LHFPL3: variants seen among roughly 807,000 people sequenced by gnomAD.
The protein encoded by LHFPL3 is LHFPL tetraspan subfamily member 3.
In LHFPL3, 5 loss-of-function variants were observed where a neutral mutation model predicts 19.3. The ratio of observed to expected loss-of-function variants is 0.26; its 90% CI spans 0.14 to 0.54. The LOEUF is 0.54. Among genes scored for constraint, LHFPL3 ranks in the 20% least tolerant of loss-of-function variants. LHFPL3 has a pLI of 0.94. For synonymous variants in LHFPL3, 133 were observed against 126.2 expected, an observed-to-expected ratio of 1.05 and a Z score of -0.36; for missense variants, 249 against 307.4, an observed-to-expected ratio of 0.81 and a Z score of 1.42.
intron 2 of LHFPL3, among the ~76,000 whole-genome samples, chr7:104,892,708 CAAAA>C (rs35855839): frequency 4.4e-5 from 3 of 68,472 alleles, no homozygotes; most frequent in African/African-American, 6.0e-5. Flanking sequence ...GAGACTGTCT[CAAAA>C]AAAAAAAAAA....
rs144042817 is a variant in LHFPL3 at position 104,506,411 on chromosome 7, T to C, written c.445+177187T>C. ...CCCTCAAGGCTCCCAAGTGTTCCCATGACATTGCTGTGCATATCATGTTCT... is the reference window on the plus strand; with the variant it reads ...CCCTCAAGGCTCCCAAGTGTTCCCACGACATTGCTGTGCATATCATGTTCT... On this transcript the variant is annotated intron_variant, in intron 1 of 2. Transcript: ENST00000424859. Among the ~76,000 whole-genome samples, 68 of 152,332 alleles carry C rather than the reference T, an allele frequency of 4.5e-4. 1 individual carries two copies. In the South Asian group the frequency reaches 0.013, roughly 29 times the overall value.
intron 1 of LHFPL3, among the ~76,000 whole-genome samples, chr7:104,619,571 A>T (rs1050385351): frequency 6.6e-6 from 1 of 152,238 alleles, no homozygotes; most frequent in African/African-American, 2.4e-5. Context: ...AACCCTACCT[A>T]TTTATTAAAT....
rs531319951 is a variant in LHFPL3 at position 104,445,384 on chromosome 7, A to G, written c.445+116160A>G. ...CTTGTATCCTTGGGCAAGTTACCAA[A>G]TCTTTCTAATCTTTGGTTTCCTCAT... On this transcript the variant is annotated intron_variant, in intron 1 of 2. Coordinates refer to ENST00000424859, the MANE Select transcript of LHFPL3 (RefSeq NM_199000.3). Among the ~76,000 whole-genome samples, 6 of 152,240 alleles carry G rather than the reference A, an allele frequency of 3.9e-5. No homozygotes were observed. In the South Asian group the frequency reaches 8.3e-4, roughly 21 times the overall value.
chr7:104,716,426 C>T (rs554158527), intron 1 of LHFPL3, among the ~76,000 whole-genome samples: 21 of 151,292 alleles, frequency 1.4e-4, no homozygotes, highest in Non-Finnish European at 3.1e-4. Flanking sequence ...TAGGGAAAAC[C>T]TTAAAGACTC....
At chr7:104,805,804 A>G (rs1562798979) in intron 2 of LHFPL3, among the ~76,000 whole-genome samples, 1 of 152,070 alleles carries the variant, frequency 6.6e-6, no homozygotes, top group Non-Finnish European at 1.5e-5. Flanking sequence ...TTCTCATACC[A>G]TCTACAGTTT....
intron 2 of LHFPL3, among the ~76,000 whole-genome samples, chr7:104,864,064 T>C (rs1342182109): frequency 2.0e-5 from 3 of 152,254 alleles, no homozygotes; most frequent in Non-Finnish European, 4.4e-5. Flanking sequence ...ATCAACATTT[T>C]GTTAATTTTG....
intron 1 of LHFPL3, among the ~76,000 whole-genome samples, chr7:104,495,783 A>G (rs532826384): frequency 1.3e-5 from 2 of 152,188 alleles, no homozygotes; most frequent in South Asian, 4.1e-4. Flanking sequence ...TCAACCCCCT[A>G]AAGTGCTGGG....
At chr7:104,532,174 T>C (rs1794310294) in intron 1 of LHFPL3, among the ~76,000 whole-genome samples, 2 of 152,118 alleles carry the variant, frequency 1.3e-5, no homozygotes, top group African/African-American at 4.8e-5. Context: ...CTGGATGCAG[T>C]GCTACAATCA....
At chr7:104,498,334 T>C (rs1452470073) in intron 1 of LHFPL3, among the ~76,000 whole-genome samples, 3 of 152,180 alleles carry the variant, frequency 2.0e-5, no homozygotes, top group Admixed American at 6.5e-5. Context: ...TCAAACTGTC[T>C]GCAATGAGGC....
intron 1 of LHFPL3, among the ~76,000 whole-genome samples, chr7:104,516,413 T>A (rs1554402849): frequency 6.6e-6 from 1 of 152,152 alleles, no homozygotes; most frequent in Non-Finnish European, 1.5e-5. Flanking sequence ...TCAACAAATT[T>A]CCATTTTTTA....
At chr7:104,396,602 A>T (rs1160771731) in intron 1 of LHFPL3, among the ~76,000 whole-genome samples, 1 of 150,412 alleles carries the variant, frequency 6.6e-6, no homozygotes, top group Non-Finnish European at 1.5e-5. Context: ...CCTTCATTAG[A>T]TTCTCCTGCA....
At chr7:104,603,341 G>C (rs986292806) in intron 1 of LHFPL3, among the ~76,000 whole-genome samples, 3 of 151,906 alleles carry the variant, frequency 2.0e-5, no homozygotes, top group Admixed American at 6.6e-5. Flanking sequence ...GACTACAGGT[G>C]CATGCCAGCA....
At chr7:104,639,086 A>G (rs1474099785) in intron 1 of LHFPL3, among the ~76,000 whole-genome samples, 1 of 151,804 alleles carries the variant, frequency 6.6e-6, no homozygotes, top group Non-Finnish European at 1.5e-5. Context: ...ATGCTGCTGG[A>G]TTTGGTTTGC....
intron 1 of LHFPL3, among the ~76,000 whole-genome samples, chr7:104,526,780 T>A (rs971617945): frequency 1.3e-5 from 2 of 152,218 alleles, no homozygotes; most frequent in Non-Finnish European, 2.9e-5. Context: ...GAAATTCTTA[T>A]CAACAGGGAC....
chr7:104,386,091 C>G (rs1427968927), intron 1 of LHFPL3, among the ~76,000 whole-genome samples: 1 of 152,198 alleles, frequency 6.6e-6, no homozygotes, highest in East Asian at 1.9e-4. Flanking sequence ...TCCTCCTCCC[C>G]CAGCTCCGTG....
intron 1 of LHFPL3, among the ~76,000 whole-genome samples, chr7:104,682,699 G>A (rs1792729106): frequency 6.6e-6 from 1 of 152,106 alleles, no homozygotes. Flanking sequence ...GCTCTAATGT[G>A]TATTTGCAAG....
chr7:104,681,154 C>CTTTTTTTTTTTT (rs35342944), intron 1 of LHFPL3, among the ~76,000 whole-genome samples: 3 of 132,610 alleles, frequency 2.3e-5, no homozygotes, highest in Non-Finnish European at 3.2e-5. Flanking sequence ...TTCTTTTCTT[C>CTTTTTTTTTTTT]TTTTTTTTTT....
chr7:104,408,989 C>A (rs1276289635), intron 1 of LHFPL3, among the ~76,000 whole-genome samples: 1 of 151,138 alleles, frequency 6.6e-6, no homozygotes, highest in East Asian at 1.9e-4. Flanking sequence ...CTCAGCCTCC[C>A]GAGTAGCAGG....
chr7:104,687,347 G>A (rs960312548), intron 1 of LHFPL3, among the ~76,000 whole-genome samples: 2 of 152,358 alleles, frequency 1.3e-5, no homozygotes, highest in South Asian at 4.1e-4. Context: ...CTATCTGGAA[G>A]CTTTCAGAAC....
Sources: gnomAD v4.1 joint callset for allele counts (sites outside exome capture counted in the v4.1 genomes callset) on GRCh38, gnomAD v4.1.1 for gene constraint, MANE v1.5 for transcripts, NCBI Gene and HGNC (gene_info 2026-07-23, HGNC 2026-07-21) for gene names.